The following CRTAC1 variants were observed in gnomAD, a reference collection of about 807,000 sequenced individuals.
The protein encoded by CRTAC1 is acidic secreted protein in cartilage.
CRTAC1 carries 37 observed loss-of-function variants against 67.8 expected under a neutral mutation model. The observed-to-expected ratio is 0.55, with a 90% CI of 0.42 to 0.72. The LOEUF is 0.72. CRTAC1 is among the 30% of genes least tolerant of loss of function. The pLI is 0.00. For synonymous variants in CRTAC1, 348 were observed against 371.0 expected (o/e 0.94, Z 0.71); for missense variants, 780 against 931.6 (o/e 0.84, Z 2.12).
chr10:97,882,854 A>G (rs1053321104), intron 12 of CRTAC1, 26 bp from the exon 13 acceptor site: 1 of 1,613,756 alleles, frequency 6.2e-7, no homozygotes, highest in African/African-American at 1.3e-5. Flanking sequence ...AAGCAGAGAC[A>G]TGAGTGAGTT....
chr10:97,997,139 G>C (rs1166686448), intron 2 of CRTAC1, among the ~76,000 whole-genome samples: 5 of 149,772 alleles, frequency 3.3e-5, no homozygotes, highest in Admixed American at 1.3e-4. Context: ...AATGCTAAAT[G>C]ATGAGTTAAT....
chr10:97,890,924 C>A (rs542372374), intron 11 of CRTAC1, among the ~76,000 whole-genome samples: 7 of 152,336 alleles, frequency 4.6e-5, no homozygotes, highest in African/African-American at 1.7e-4. Context: ...GCCTTGGCCT[C>A]CCAAAGCGCT....
At chr10:98,018,199 CAAAAAAAAAAAAAAAAAAAAA>C (rs71007373) in intron 1 of CRTAC1, among the ~76,000 whole-genome samples, 2 of 48,642 alleles carry the variant, frequency 4.1e-5, no homozygotes, top group Admixed American at 3.4e-4. Context: ...AAGATGCCCG[CAAAAAAAAAAAAAAAAAAAAA>C]AAAAAAAAAA....
At chr10:97,891,366 C>T (rs1339257539) in intron 11 of CRTAC1, among the ~76,000 whole-genome samples, 1 of 152,258 alleles carries the variant, frequency 6.6e-6, no homozygotes, top group Non-Finnish European at 1.5e-5. Context: ...CCAAGCCAGC[C>T]CAACTCCTAG....
At chr10:97,939,523 C>T (rs1161707988) in intron 2 of CRTAC1, among the ~76,000 whole-genome samples, 1 of 152,168 alleles carries the variant, frequency 6.6e-6, no homozygotes, top group Non-Finnish European at 1.5e-5. Context: ...GTTCTTGGCA[C>T]CCCATGGTGC....
chr10:97,882,547 A>G (rs683821), intron 13 of CRTAC1, among the ~76,000 whole-genome samples: 150,856 of 152,320 alleles, frequency 0.99, 74,724 homozygotes, highest in Middle Eastern at 1. Context: ...TCATGGCAGG[A>G]AAACACTGCC....
At chr10:97,902,029 G>T (rs1223427278) in intron 7 of CRTAC1, among the ~76,000 whole-genome samples, 1 of 152,166 alleles carries the variant, frequency 6.6e-6, no homozygotes, top group African/African-American at 2.4e-5. Context: ...GGGAGGCCAG[G>T]GCTTCTGATT....
chr10:97,977,283 T>C (rs1036217112), intron 2 of CRTAC1, among the ~76,000 whole-genome samples: 9 of 152,294 alleles, frequency 5.9e-5, no homozygotes, highest in Non-Finnish European at 1.0e-4. Flanking sequence ...AGGAGCTGAA[T>C]TGTGATGTCT....
intron 1 of CRTAC1, among the ~76,000 whole-genome samples, chr10:98,012,504 C>T (rs977319273): frequency 7.9e-5 from 12 of 152,152 alleles, no homozygotes; most frequent in African/African-American, 2.9e-4. Context: ...GGTAGCAGAC[C>T]TCTTCTAGAT....
chr10:97,931,272 A>C (rs1335112948), intron 3 of CRTAC1, among the ~76,000 whole-genome samples: 1 of 152,208 alleles, frequency 6.6e-6, no homozygotes, highest in Non-Finnish European at 1.5e-5. Flanking sequence ...CCTAGGAAGG[A>C]CAATCTGGCA....
At chr10:97,959,507 A>G (rs141755903) in intron 2 of CRTAC1, among the ~76,000 whole-genome samples, 183 of 152,336 alleles carry the variant, frequency 1.2e-3, no homozygotes, top group African/African-American at 4.3e-3. Flanking sequence ...TGGGCTGTAC[A>G]GGGCCTTGAG....
At chr10:97,878,730 C>G (rs1309080852) in intron 14 of CRTAC1, 1 of 1,301,210 alleles carries the variant, frequency 7.7e-7, no homozygotes, top group Non-Finnish European at 1.0e-6. Context: ...GGCCTATGTC[C>G]AGCCAGACAT....
chr10:97,941,060 C>T (rs2051167330), intron 2 of CRTAC1, among the ~76,000 whole-genome samples: 1 of 152,080 alleles, frequency 6.6e-6, no homozygotes, highest in African/African-American at 2.4e-5. Flanking sequence ...CCCCATCCAC[C>T]TTCCCACCCC....
chr10:97,928,652 A>G (rs1251143098), intron 3 of CRTAC1, among the ~76,000 whole-genome samples: 1 of 152,220 alleles, frequency 6.6e-6, no homozygotes, highest in African/African-American at 2.4e-5. Context: ...CCTTGAAATC[A>G]GGATGGAAGA....
chr10:97,903,240 A>C (rs1428502424), intron 7 of CRTAC1, among the ~76,000 whole-genome samples: 1 of 145,148 alleles, frequency 6.9e-6, no homozygotes, highest in Non-Finnish European at 1.5e-5. Flanking sequence ...TGTGCACTGT[A>C]GGGTGTTCAG....
At chr10:97,867,347 G>A (rs1044831456) in intron 14 of CRTAC1, 2 of 152,280 alleles carry the variant, frequency 1.3e-5, no homozygotes, top group South Asian at 4.1e-4. Flanking sequence ...AATGAAGGGG[G>A]CTGCCTATCT....
intron 1 of CRTAC1, 39 bp from the exon 2 acceptor site, chr10:98,011,376 T>C (rs1842905808): frequency 6.2e-7 from 1 of 1,610,212 alleles, no homozygotes; most frequent in Non-Finnish European, 8.5e-7. Flanking sequence ...AAAGAACCTG[T>C]AACCAAAGCA....
At position 97,908,033 on chromosome 10, in the gene CRTAC1, A is replaced by G. The variant is rs140353058; in HGVS notation, c.830T>C (p.Val277Ala). 5.5e-4 allele frequency: 884 copies of G among 1,614,096 alleles called. No homozygotes were observed. The highest frequency in any genetic ancestry group is 7.2e-4 in the Non-Finnish European group (855 of 1,180,034). Residue 277 changes from valine (V) to alanine (A), a missense_variant, in exon 6 of 15, where the codon GTG (valine) becomes GCG (alanine). Val to Ala is a moderately conservative substitution (Grantham distance 64, BLOSUM62 0). Coordinates refer to ENST00000370597, the MANE Select transcript of CRTAC1 (RefSeq NM_018058.7). ...CTCACCAGCACTGGCCGCAGCGTCC[A>G]CAAAGGTGCCATCGCCCCGGTTGTG... ...LFHNRGDGTF[V>A]DAAASAGVDD...
At chr10:98,008,473 A>G (rs562606144) in intron 2 of CRTAC1, among the ~76,000 whole-genome samples, 1 of 152,068 alleles carries the variant, frequency 6.6e-6, no homozygotes, top group African/African-American at 2.4e-5. Context: ...CAGGGCAGAA[A>G]GAGGGAGAGC....
Sources: allele counts gnomAD v4.1 joint callset (sites outside exome capture counted in the v4.1 genomes callset), GRCh38; gene constraint gnomAD v4.1.1; transcripts MANE v1.5; gene names NCBI Gene and HGNC (gene_info 2026-07-23, HGNC 2026-07-21).